RABGAP1L: variants seen among roughly 807,000 people sequenced by gnomAD.
RABGAP1L encodes rab GTPase-activating protein 1-like.
In RABGAP1L, 63 loss-of-function variants were observed where a neutral mutation model predicts 137.7. That is an observed-to-expected ratio of 0.46 (90% CI 0.37 to 0.56). The LOEUF is 0.56. RABGAP1L is among the 20% of genes least tolerant of loss of function. The pLI is 0.00. For missense variants in RABGAP1L, 1,095 were observed against 1,244.0 expected (o/e 0.88, Z 1.80); for synonymous variants, 431 against 433.7 (o/e 0.99, Z 0.08).
chr1:174,539,982 A>G (rs1665234787), intron 13 of RABGAP1L, among the ~76,000 whole-genome samples: 1 of 152,206 alleles, frequency 6.6e-6, no homozygotes, highest in Non-Finnish European at 1.5e-5. Context: ...AATGATCGCC[A>G]TTCTAACTGG....
chr1:174,835,703 A>T (rs1425936255), intron 19 of RABGAP1L, among the ~76,000 whole-genome samples: 2 of 152,198 alleles, frequency 1.3e-5, no homozygotes, highest in Admixed American at 1.3e-4. Flanking sequence ...CTGTTCTCAT[A>T]GGGATTGTGA....
chr1:174,693,612 C>T (rs1303157452), intron 15 of RABGAP1L, among the ~76,000 whole-genome samples: 1 of 151,810 alleles, frequency 6.6e-6, no homozygotes, highest in Admixed American at 6.6e-5. Flanking sequence ...TTATTTTATG[C>T]AATTTGTTTA....
intron 13 of RABGAP1L, among the ~76,000 whole-genome samples, chr1:174,607,453 C>T (rs1397417144): frequency 1.3e-5 from 2 of 152,162 alleles, no homozygotes; most frequent in African/African-American, 4.8e-5. Context: ...CCATCTCTCC[C>T]TAACTGTTGG....
At chr1:174,683,653 T>C in intron 15 of RABGAP1L, 57 bp downstream of exon 15, 1 of 1,350,324 alleles carries the variant, frequency 7.4e-7, no homozygotes, top group Non-Finnish European at 1.0e-6. Context: ...TTTTACTTTC[T>C]ACTGGCTTTG....
chr1:174,446,142 T>G (rs1157426478), intron 13 of RABGAP1L, among the ~76,000 whole-genome samples: 1 of 152,164 alleles, frequency 6.6e-6, no homozygotes, highest in Non-Finnish European at 1.5e-5. Flanking sequence ...GCTGAGAGAT[T>G]GTGAAGAATA....
chr1:174,903,181 A>G (rs973131134), intron 19 of RABGAP1L, among the ~76,000 whole-genome samples: 3 of 152,340 alleles, frequency 2.0e-5, no homozygotes, highest in Non-Finnish European at 1.5e-5. Context: ...TAGAATTCCA[A>G]GACACACAAG....
At chr1:174,770,076 C>CT (rs1022949593) in intron 18 of RABGAP1L, among the ~76,000 whole-genome samples, 4 of 151,604 alleles carry the variant, frequency 2.6e-5, no homozygotes, top group South Asian at 2.1e-4. Flanking sequence ...AACTCATAAA[C>CT]TTTTTTTTTG....
Position 174,750,821 on chromosome 1 carries a change from G to C in RABGAP1L, c.2170-1492G>C, listed in dbSNP as rs190765955. On this transcript the variant is annotated intron_variant, in intron 17 of 25. Transcript: ENST00000681986. The stretch of plus-strand genomic sequence containing the variant: ...AACACTCAGGTTGTGAGAATTCACT[G>C]TTGCCTAGTGGTTGTGATGTGGTGG... 6.5e-4 allele frequency among the ~76,000 whole-genome samples: 99 copies of C among 152,334 alleles called. 1 individual carries two copies. Among genetic ancestry groups the C allele is most frequent in the Admixed American group, 5.7e-3 (87 of 15,308 alleles).
At chr1:174,555,782 T>G (rs1666839076) in intron 13 of RABGAP1L, among the ~76,000 whole-genome samples, 1 of 152,074 alleles carries the variant, frequency 6.6e-6, no homozygotes, top group Non-Finnish European at 1.5e-5. Flanking sequence ...TACATTATGG[T>G]AGAGAACCGA....
chr1:174,347,134 T>C (rs1266613830), intron 11 of RABGAP1L, among the ~76,000 whole-genome samples: 1 of 152,196 alleles, frequency 6.6e-6, no homozygotes, highest in African/African-American at 2.4e-5. Flanking sequence ...TTGGCCTAAC[T>C]GATGACCTAT....
intron 19 of RABGAP1L, among the ~76,000 whole-genome samples, chr1:174,902,654 G>GT (rs778495031): frequency 3.3e-5 from 5 of 152,218 alleles, no homozygotes; most frequent in Non-Finnish European, 7.3e-5. Flanking sequence ...CTCCTGATAG[G>GT]TGAGTTGCAA....
At chr1:174,493,844 A>G (rs1660498035) in intron 13 of RABGAP1L, among the ~76,000 whole-genome samples, 1 of 149,118 alleles carries the variant, frequency 6.7e-6, no homozygotes, top group African/African-American at 2.5e-5. Context: ...AAAAAAAAGT[A>G]TAGGCAGAAT....
intron 13 of RABGAP1L, among the ~76,000 whole-genome samples, chr1:174,475,865 C>T (rs1658451972): frequency 6.7e-6 from 1 of 148,674 alleles, no homozygotes; most frequent in African/African-American, 2.5e-5. Context: ...AAAGTATAAA[C>T]CTAAATTCGC....
Position 174,720,611 on chromosome 1 carries a change from C to T in RABGAP1L, c.2169+18355C>T, listed in dbSNP as rs537407750. On this transcript the variant is annotated intron_variant, in intron 17 of 25. Coordinates refer to ENST00000681986, the MANE Select transcript of RABGAP1L (RefSeq NM_001366446.1). ...GATTACAGGCTTGAGCCACCGGTCC[C>T]GGCTGGTAACTGGATATTGACTTAT... Among the ~76,000 whole-genome samples, 22 of 152,162 alleles carry T rather than the reference C, an allele frequency of 1.4e-4. No individual in the cohort carries two copies. In the East Asian group the frequency reaches 3.5e-3, roughly 24 times the overall value.
At chr1:174,209,988 G>C (rs80307912) in intron 1 of RABGAP1L, among the ~76,000 whole-genome samples, 55 of 152,312 alleles carry the variant, frequency 3.6e-4, no homozygotes, top group African/African-American at 1.2e-3. Flanking sequence ...GATCTCTTAC[G>C]CAAGACCGTC....
intron 19 of RABGAP1L, among the ~76,000 whole-genome samples, chr1:174,851,684 T>C (rs977865629): frequency 5.3e-5 from 8 of 151,782 alleles, no homozygotes; most frequent in African/African-American, 1.9e-4. Flanking sequence ...AGCTTTTTTT[T>C]TTTTTAATTT....
intron 17 of RABGAP1L, among the ~76,000 whole-genome samples, chr1:174,732,313 A>G (rs561858537): frequency 2.0e-5 from 3 of 152,322 alleles, no homozygotes; most frequent in East Asian, 3.9e-4. Flanking sequence ...AGTTGTAAGA[A>G]CCATGACTGA....
chr1:174,181,332 CTTTTTTTCTTTTT>C (rs1323711680), intron 1 of RABGAP1L, among the ~76,000 whole-genome samples: 2 of 142,822 alleles, frequency 1.4e-5, no homozygotes, highest in Admixed American at 7.3e-5. Context: ...AAGGGTCTTT[CTTTTTTTCTTTTT>C]TTTTTTTTTT....
intron 1 of RABGAP1L, among the ~76,000 whole-genome samples, chr1:174,195,609 C>CTT (rs1237060721): frequency 1.2e-5 from 1 of 81,184 alleles, no homozygotes; most frequent in Non-Finnish European, 2.4e-5. Flanking sequence ...TTCTTTCTTT[C>CTT]TTTCTTTCTT....
Sources: gnomAD v4.1 joint callset for allele counts (sites outside exome capture counted in the v4.1 genomes callset) on GRCh38, gnomAD v4.1.1 for gene constraint, MANE v1.5 for transcripts, NCBI Gene and HGNC (gene_info 2026-07-23, HGNC 2026-07-21) for gene names.